The following SLC67A1 variants were observed in gnomAD, a reference collection of about 807,000 sequenced individuals.
SLC67A1 encodes the protein solute carrier family 67 member 1.
At chr11:2,901,130 A>G in the SLC67A1 span, among the ~76,000 whole-genome samples, 1 of 152,210 alleles carries the variant, frequency 6.6e-6, no homozygotes, top group Non-Finnish European at 1.5e-5. Flanking sequence ...GAGAGACAGG[A>G]GAGCAAGAGA....
chr11:2,914,983 C>T, the SLC67A1 span: 7 of 985,328 alleles, frequency 7.1e-6, no homozygotes, highest in African/African-American at 5.2e-5. Context: ...AGGGCCCATT[C>T]GTGCGGAACC....
chr11:2,918,274 G>A, the SLC67A1 span, among the ~76,000 whole-genome samples: 1 of 152,252 alleles, frequency 6.6e-6, no homozygotes, highest in African/African-American at 2.4e-5. Context: ...CCTCTACACT[G>A]CACACCTGCA....
At chr11:2,922,133 G>A in the SLC67A1 span, 2 of 1,613,238 alleles carry the variant, frequency 1.2e-6, no homozygotes, top group African/African-American at 2.7e-5. Flanking sequence ...GGGCAGCTGA[G>A]CAGCCACTTC....
chr11:2,922,695 G>T, the SLC67A1 span: 28 of 364,764 alleles, frequency 7.7e-5, no homozygotes, highest in African/African-American at 1.7e-4. Flanking sequence ...GAGTGGAGTG[G>T]GTGGGGTGGG....
At chr11:2,912,419 C>T in the SLC67A1 span, among the ~76,000 whole-genome samples, 1 of 152,234 alleles carries the variant, frequency 6.6e-6, no homozygotes, top group Non-Finnish European at 1.5e-5. Flanking sequence ...TGGCCTGGTG[C>T]GGGGCAGGAG....
At chr11:2,917,946 G>A in the SLC67A1 span, 21 of 1,523,752 alleles carry the variant, frequency 1.4e-5, no homozygotes, top group Non-Finnish European at 1.9e-5. Context: ...GTGGGCATTG[G>A]GACAATGGCC....
the SLC67A1 span, chr11:2,919,066 C>A: frequency 1.9e-6 from 1 of 539,300 alleles, no homozygotes; most frequent in Non-Finnish European, 3.4e-6. Context: ...TCCCTTCCAG[C>A]ACCTTCCTGC....
chr11:2,915,109 C>A, the SLC67A1 span: 6 of 984,974 alleles, frequency 6.1e-6, no homozygotes, highest in African/African-American at 1.7e-5. Flanking sequence ...TATGCCAGCA[C>A]CCCCCTAGAC....
At chr11:2,901,511 A>C in the SLC67A1 span, among the ~76,000 whole-genome samples, 1 of 152,196 alleles carries the variant, frequency 6.6e-6, no homozygotes, top group East Asian at 1.9e-4. Flanking sequence ...GCATCTCCCT[A>C]CTTAGTGACA....
At chr11:2,901,817 C>T in the SLC67A1 span, among the ~76,000 whole-genome samples, 1 of 152,222 alleles carries the variant, frequency 6.6e-6, no homozygotes, top group African/African-American at 2.4e-5. Flanking sequence ...AGACCTTTGG[C>T]AGGGCCAGGC....
At chr11:2,903,677 C>A in the SLC67A1 span, 3 of 642,174 alleles carry the variant, frequency 4.7e-6, no homozygotes, top group Non-Finnish European at 8.1e-6. Flanking sequence ...CCCGTCAGCA[C>A]ATCCTGTGCT....
chr11:2,903,922 T>C, the SLC67A1 span, among the ~76,000 whole-genome samples: 56 of 152,218 alleles, frequency 3.7e-4, 1 homozygote, highest in African/African-American at 1.3e-3. Flanking sequence ...CCCTCCATCT[T>C]CTTGGGTCCT....
At chr11:2,924,919 A>G in the SLC67A1 span, 2 of 1,234,218 alleles carry the variant, frequency 1.6e-6, no homozygotes, top group South Asian at 1.4e-5. This position sits in a 1 kb window ranked among gnomAD's most constrained non-coding sequence, Gnocchi z 8.6. Flanking sequence ...AGGGTGGGTC[A>G]GGAGAGATGG....
At chr11:2,915,188 G>T in the SLC67A1 span, 2 of 985,400 alleles carry the variant, frequency 2.0e-6, no homozygotes, top group Non-Finnish European at 2.4e-6. Flanking sequence ...TGGACTCAGA[G>T]GTGGCCCCAC....
chr11:2,917,046 G>A, the SLC67A1 span: 1 of 344,404 alleles, frequency 2.9e-6, no homozygotes, highest in African/African-American at 2.5e-5. Flanking sequence ...GAGGCCCAGA[G>A]AGGCCTGGGG....
chr11:2,919,363 G>A, the SLC67A1 span: 27 of 1,613,812 alleles, frequency 1.7e-5, no homozygotes, highest in East Asian at 4.5e-5. Flanking sequence ...GCTGGAGGCC[G>A]CCCAAGCTGG....
At chr11:2,912,804 G>A in the SLC67A1 span, among the ~76,000 whole-genome samples, 1 of 152,202 alleles carries the variant, frequency 6.6e-6, no homozygotes, top group Non-Finnish European at 1.5e-5. Context: ...GGGAGGGATG[G>A]GGAGGGGCCA....
the SLC67A1 span, chr11:2,918,197 C>T: frequency 4.7e-6 from 4 of 851,358 alleles, no homozygotes; most frequent in Non-Finnish European, 3.7e-6. Context: ...CAGGTCCACA[C>T]AGATGTGGTA....
At chr11:2,914,943 G>A in the SLC67A1 span, 10 of 985,294 alleles carry the variant, frequency 1.0e-5, no homozygotes, top group South Asian at 4.7e-5. Context: ...GAGCCCAGCC[G>A]TTCCCCTTCC....
Sources: gnomAD v4.1 joint callset for allele counts (sites outside exome capture counted in the v4.1 genomes callset) on GRCh38, gnomAD v4.1.1 for gene constraint, Gnocchi (gnomAD v3.1) non-coding constraint, MANE v1.5 for transcripts, NCBI Gene and HGNC (gene_info 2026-07-23, HGNC 2026-07-21) for gene names.